The following PIK3CB variants were observed in gnomAD, a reference collection of about 807,000 sequenced individuals.
PIK3CB encodes phosphatidylinositol-4,5-bisphosphate 3-kinase catalytic subunit beta.
Under a neutral mutation model 136.8 loss-of-function variants are expected in PIK3CB, and 39 were observed. The ratio of observed to expected loss-of-function variants is 0.29; its 90% CI spans 0.22 to 0.37. The LOEUF (loss-of-function observed/expected upper bound fraction) is 0.37, where lower values mean the gene tolerates loss of function less well. Ranked by LOEUF, PIK3CB falls within the 10% of genes least tolerant of loss-of-function variation. PIK3CB has a pLI of 1.00. For synonymous variants in PIK3CB, 428 were observed against 436.6 expected (o/e 0.98, Z 0.25); for missense variants, 868 against 1,275.4 (o/e 0.68, Z 4.87).
Position 138,809,718 on chromosome 3 carries a change from T to C in PIK3CB, c.-121-13151A>G, listed in dbSNP as rs145359419. On this transcript the variant is annotated intron_variant, in intron 1 of 23. Coordinates refer to ENST00000674063, the MANE Select transcript of PIK3CB (RefSeq NM_006219.3). ...CGAGAATGGACTGGAGTTAGAAACATCAGTATAAACTAATGTTTAGCTTAA... is the reference window on the plus strand; with the variant it reads ...CGAGAATGGACTGGAGTTAGAAACACCAGTATAAACTAATGTTTAGCTTAA... Among the ~76,000 whole-genome samples, 776 of 151,476 alleles carry C rather than the reference T, an allele frequency of 5.1e-3. 9 individuals are homozygous for C. The highest frequency in any genetic ancestry group is 0.018 in the African/African-American group (728 of 41,314).
rs527889026 is a variant in PIK3CB, at chr3:138,657,580, G to A, written c.2942+110C>T. On this transcript the variant is annotated intron_variant, in intron 22 of 23. Transcript: ENST00000674063. The stretch of plus-strand genomic sequence containing the variant: ...TTCCCCCAAAAGCTTCCTATAATCA[G>A]ACTGAATATCTCCCAGATCCAAATA... 22 of 960,840 alleles carry A rather than the reference G, an allele frequency of 2.3e-5. No homozygotes were observed. In the African/African-American group the frequency reaches 3.1e-4, roughly 13 times the overall value. The allele number at this position is 960,840 out of a possible 1,614,324, so 59.5% of individuals were successfully genotyped here. A position where few individuals can be genotyped will look rare whatever the true frequency, so the allele number is the denominator to read the frequency against.
intron 1 of PIK3CB, among the ~76,000 whole-genome samples, chr3:138,797,962 GAAAAAGGA>G (rs895730854): frequency 6.6e-6 from 1 of 151,534 alleles, no homozygotes; most frequent in Non-Finnish European, 1.5e-5. Context: ...CAAAAAAAAA[GAAAAAGGA>G]AAAAAATCCT....
chr3:138,812,544 T>G (rs1183329544), intron 1 of PIK3CB, among the ~76,000 whole-genome samples: 2 of 150,898 alleles, frequency 1.3e-5, no homozygotes, highest in Admixed American at 1.3e-4. Context: ...TTTTTTTTTT[T>G]TGAGACGAAG....
chr3:138,727,164 G>T (rs1180159962), intron 8 of PIK3CB, among the ~76,000 whole-genome samples: 1 of 152,156 alleles, frequency 6.6e-6, no homozygotes, highest in Non-Finnish European at 1.5e-5. Context: ...CAAGTGCCAG[G>T]GAGGCAGAGT....
chr3:138,667,138 G>A (rs1239932641), intron 19 of PIK3CB, among the ~76,000 whole-genome samples: 1 of 151,104 alleles, frequency 6.6e-6, no homozygotes, highest in Non-Finnish European at 1.5e-5. Flanking sequence ...GAACCCAGGA[G>A]GCGGAGGTTG....
chr3:138,787,349 G>A (rs1433130239), intron 2 of PIK3CB, among the ~76,000 whole-genome samples: 3 of 140,718 alleles, frequency 2.1e-5, no homozygotes, highest in African/African-American at 8.0e-5. Flanking sequence ...CTGGGCGACA[G>A]AGCAAGACTC....
At chr3:138,773,140 C>G (rs937422273) in intron 2 of PIK3CB, among the ~76,000 whole-genome samples, 1 of 152,002 alleles carries the variant, frequency 6.6e-6, no homozygotes, top group Non-Finnish European at 1.5e-5. Flanking sequence ...GTGGCTCACG[C>G]CTGTAATCCC....
intron 7 of PIK3CB, among the ~76,000 whole-genome samples, chr3:138,733,840 T>C (rs533457622): frequency 6.6e-6 from 1 of 152,192 alleles, no homozygotes; most frequent in East Asian, 1.9e-4. Flanking sequence ...ATTGCGCCAC[T>C]GCACTCCAGC....
At chr3:138,784,341 C>A (rs1462325388) in intron 2 of PIK3CB, among the ~76,000 whole-genome samples, 1 of 152,190 alleles carries the variant, frequency 6.6e-6, no homozygotes, top group Admixed American at 6.5e-5. Flanking sequence ...AAGATCACGC[C>A]ACTGCACTCC....
At chr3:138,725,077 G>A (rs1425341317) in intron 8 of PIK3CB, among the ~76,000 whole-genome samples, 2 of 151,948 alleles carry the variant, frequency 1.3e-5, no homozygotes, top group Non-Finnish European at 2.9e-5. Context: ...CAGTATTTGG[G>A]TGATAAATAC....
At chr3:138,771,921 C>CAAAAAAAAAAAAAAAAAAA (rs60381827) in intron 2 of PIK3CB, among the ~76,000 whole-genome samples, 1 of 114,584 alleles carries the variant, frequency 8.7e-6, no homozygotes, top group Non-Finnish European at 1.8e-5. Flanking sequence ...GACTCAGTCT[C>CAAAAAAAAAAAAAAAAAAA]AAAAAAAAAA....
intron 2 of PIK3CB, chr3:138,770,266 A>G (rs548653655): frequency 6.6e-6 from 1 of 152,332 alleles, no homozygotes; most frequent in Non-Finnish European, 1.5e-5. Context: ...GAGAAAGGGG[A>G]AAGAGTTTAA....
chr3:138,744,031 T>G (rs565487404), intron 4 of PIK3CB, among the ~76,000 whole-genome samples: 16 of 151,962 alleles, frequency 1.1e-4, no homozygotes, highest in Non-Finnish European at 1.8e-4. Context: ...ACTCTTCTGA[T>G]TAGAAAAAAA....
chr3:138,659,863 C>CTTT (rs1559795082), intron 21 of PIK3CB, among the ~76,000 whole-genome samples: 1 of 128,358 alleles, frequency 7.8e-6, no homozygotes, highest in African/African-American at 3.1e-5. Context: ...CTTCTTTCCT[C>CTTT]TTCTTTTTTT....
chr3:138,669,161 T>C (rs1357469966), intron 19 of PIK3CB, among the ~76,000 whole-genome samples: 5 of 152,044 alleles, frequency 3.3e-5, no homozygotes, highest in African/African-American at 4.8e-5. Flanking sequence ...CCTGTAATCC[T>C]AGCACTTTGG....
chr3:138,828,545 G>A (rs1186260773), intron 1 of PIK3CB, among the ~76,000 whole-genome samples: 8 of 151,944 alleles, frequency 5.3e-5, no homozygotes, highest in Non-Finnish European at 1.0e-4. Flanking sequence ...GGAAGACAAG[G>A]TCCCTGCCAT....
intron 1 of PIK3CB, among the ~76,000 whole-genome samples, chr3:138,821,464 T>G (rs1559891833): frequency 1.3e-5 from 2 of 151,436 alleles, no homozygotes. Context: ...AATGAAGACC[T>G]AAAACCCAGA....
intron 2 of PIK3CB, among the ~76,000 whole-genome samples, chr3:138,772,420 T>A (rs1017105474): frequency 6.6e-6 from 1 of 152,094 alleles, no homozygotes; most frequent in Non-Finnish European, 1.5e-5. Flanking sequence ...AGGTTAGAAC[T>A]TAGCAATTTA....
At chr3:138,731,200 G>T (rs1381300404) in intron 8 of PIK3CB, among the ~76,000 whole-genome samples, 1 of 152,046 alleles carries the variant, frequency 6.6e-6, no homozygotes, top group African/African-American at 2.4e-5. Context: ...CCCTTATGAT[G>T]GTAAGGAGAG....
Sources: gnomAD v4.1 joint callset for allele counts (sites outside exome capture counted in the v4.1 genomes callset) on GRCh38, gnomAD v4.1.1 for gene constraint, MANE v1.5 for transcripts, NCBI Gene and HGNC (gene_info 2026-07-23, HGNC 2026-07-21) for gene names.